The following TES variants were observed in gnomAD, a reference collection of about 807,000 sequenced individuals.
TES encodes the protein testin LIM domain protein, also known as testin.
A neutral mutation model predicts 48.2 loss-of-function variants in TES; 41 were observed. That is an observed-to-expected ratio of 0.85 (90% CI 0.66 to 1.10). The LOEUF (loss-of-function observed/expected upper bound fraction) is 1.10, where lower values mean the gene tolerates loss of function less well. TES is among the 50% of genes least tolerant of loss of function. TES has a pLI of 0.00. For synonymous variants in TES, 162 were observed against 174.9 expected (o/e 0.93, Z 0.58); for missense variants, 463 against 515.1 (o/e 0.90, Z 0.98).
chr7:116,224,193 A>AC (rs1187089388), intron 1 of TES, among the ~76,000 whole-genome samples: 1 of 152,136 alleles, frequency 6.6e-6, no homozygotes, highest in Non-Finnish European at 1.5e-5. Flanking sequence ...AGCCCAGCTG[A>AC]CCCCGATTGC....
chr7:116,211,118 C>G, intron 1 of TES: 1 of 177,852 alleles, frequency 5.6e-6, no homozygotes, highest in Non-Finnish European at 1.2e-5. Context: ...CACTTCCTGG[C>G]TCAGGAAGTT....
chr7:116,246,949 T>C (rs1014743207), intron 2 of TES, among the ~76,000 whole-genome samples: 38 of 97,182 alleles, frequency 3.9e-4, no homozygotes, highest in African/African-American at 6.8e-4. Flanking sequence ...CTAGGCCCCT[T>C]TTTTTTTTTT....
rs1020371049 is a variant in TES, at chr7:116,249,241, A to G, written c.335A>G (p.Glu112Gly). ...GTCTCCATCAATACAGTTACCTATG[A>G]GTGGGCTCCTCCTGTCCAGAATCAA... is the stretch of plus-strand genomic sequence containing the variant. ...KNVSINTVTYEWAPPVQNQAL... is the reference protein window; with the variant it reads ...KNVSINTVTYGWAPPVQNQAL... The change falls in exon 3 of 7, where the codon GAG (glutamate) becomes GGG (glycine). Residue 112 changes from glutamate (E) to glycine (G), a missense_variant. Transcript: ENST00000358204. The G allele has an allele frequency of 2.5e-6, 4 of 1,613,962 alleles. No homozygotes were observed. Among genetic ancestry groups the G allele is most frequent in the Non-Finnish European group, 3.4e-6 (4 of 1,179,978 alleles).
intron 2 of TES, chr7:116,243,805 G>A (rs141652041): frequency 1.3e-5 from 2 of 152,288 alleles, no homozygotes; most frequent in Non-Finnish European, 2.9e-5. Flanking sequence ...ACCCAAGACT[G>A]GGTAATTTAT....
At chr7:116,212,096 G>A (rs1321407370) in intron 1 of TES, among the ~76,000 whole-genome samples, 1 of 152,054 alleles carries the variant, frequency 6.6e-6, no homozygotes, top group African/African-American at 2.4e-5. Flanking sequence ...CATTTTGCCC[G>A]CTTAGCTTTC....
chr7:116,255,997 A>G (rs1174247013), intron 6 of TES, among the ~76,000 whole-genome samples: 1 of 152,232 alleles, frequency 6.6e-6, no homozygotes, highest in Middle Eastern at 3.2e-3. Context: ...AGTTGCTTGC[A>G]TGGTGCAGCT....
rs761034841 is a variant in TES at position 116,252,638 on chromosome 7, A to C, written c.1077+162A>C. 1.5e-4 allele frequency: 136 copies of C among 930,728 alleles called. 1 individual carries two copies. The highest frequency in any genetic ancestry group is 8.9e-4 in the Admixed American group (45 of 50,614). 57.7% of individuals were successfully genotyped at this position (930,728 alleles called of 1,614,324 possible). A position where few individuals can be genotyped will look rare whatever the true frequency, so the allele number is the denominator to read the frequency against. On this transcript the variant is annotated intron_variant, in intron 6 of 6. Coordinates refer to ENST00000358204, the MANE Select transcript of TES (RefSeq NM_015641.4). Reference sequence around the variant, plus strand: ...GTTAAAATCAAGGCAATTCAAAAACAATACATGCATTGACTATGAGCCACC... The same window carrying C: ...GTTAAAATCAAGGCAATTCAAAAACCATACATGCATTGACTATGAGCCACC...
At chr7:116,250,078 G>T in intron 3 of TES, 83 bp from the exon 4 acceptor site, 1 of 1,214,848 alleles carries the variant, frequency 8.2e-7, no homozygotes, top group Non-Finnish European at 1.1e-6. Flanking sequence ...TCTTTCTTAA[G>T]TAACTTGCTT....
chr7:116,210,961 C>T (rs889824042), intron 1 of TES: 2 of 341,314 alleles, frequency 5.9e-6, no homozygotes, highest in African/African-American at 2.2e-5. Context: ...GAAGCGCGAG[C>T]GAGGGCGGGC....
intron 1 of TES, 83 bp downstream of exon 1, chr7:116,210,817 G>A (rs916260442): frequency 8.5e-7 from 1 of 1,183,224 alleles, no homozygotes; most frequent in African/African-American, 1.6e-5. Context: ...GCCGAGGTGG[G>A]TGGGGCTCGC....
At chr7:116,227,054 TAA>T (rs1241133455) in intron 1 of TES, among the ~76,000 whole-genome samples, 3 of 152,088 alleles carry the variant, frequency 2.0e-5, no homozygotes, top group African/African-American at 4.8e-5. Context: ...TTTTTATATT[TAA>T]GTTTGGTTTT....
At chr7:116,234,490 G>A in intron 1 of TES, 44 bp from the exon 2 acceptor site, 1 of 1,519,604 alleles carries the variant, frequency 6.6e-7, no homozygotes, top group Non-Finnish European at 9.1e-7. Flanking sequence ...TTTTAGATTT[G>A]TAAAGAATCT....
intron 3 of TES, chr7:116,249,856 C>G (rs924452324): frequency 1.7e-5 from 4 of 229,312 alleles, no homozygotes; most frequent in Non-Finnish European, 3.3e-5. Flanking sequence ...ACATGTCTGC[C>G]TAAAAGTTTA....
intron 1 of TES, among the ~76,000 whole-genome samples, chr7:116,234,038 G>A (rs1208922673): frequency 6.6e-6 from 1 of 152,122 alleles, no homozygotes; most frequent in Non-Finnish European, 1.5e-5. Flanking sequence ...TAAAGCCATA[G>A]CACTGGCATT....
intron 6 of TES, chr7:116,255,290 A>C (rs1238212644): frequency 6.6e-6 from 1 of 152,170 alleles, no homozygotes; most frequent in African/African-American, 2.4e-5. Flanking sequence ...TGAAATATTA[A>C]AGGTTTAGGA....
chr7:116,230,582 T>A (rs1799684965), intron 1 of TES, among the ~76,000 whole-genome samples: 1 of 152,232 alleles, frequency 6.6e-6, no homozygotes, highest in Non-Finnish European at 1.5e-5. Flanking sequence ...CCTCCCCTGT[T>A]GCCCTGTGGC....
intron 2 of TES, among the ~76,000 whole-genome samples, chr7:116,236,596 A>G (rs1335610004): frequency 6.6e-6 from 1 of 152,182 alleles, no homozygotes; most frequent in African/African-American, 2.4e-5. Flanking sequence ...TGGGTAAGAG[A>G]TACTTAACCT....
chr7:116,245,022 C>A (rs144307060), intron 2 of TES, among the ~76,000 whole-genome samples: 2 of 152,086 alleles, frequency 1.3e-5, no homozygotes, highest in Non-Finnish European at 2.9e-5. Context: ...GATCCCTGGG[C>A]GTGGTCCACG....
At chr7:116,216,523 G>A (rs932976118) in intron 1 of TES, among the ~76,000 whole-genome samples, 2 of 151,980 alleles carry the variant, frequency 1.3e-5, no homozygotes, top group Non-Finnish European at 2.9e-5. Flanking sequence ...CTTTGATCGT[G>A]GGAAATAATA....
Sources: allele counts gnomAD v4.1 joint callset (sites outside exome capture counted in the v4.1 genomes callset), GRCh38; gene constraint gnomAD v4.1.1; transcripts MANE v1.5; gene names NCBI Gene and HGNC (gene_info 2026-07-23, HGNC 2026-07-21).